Variants in TRIM9 observed in about 807,000 individuals in gnomAD.
The protein encoded by TRIM9 is E3 ubiquitin-protein ligase TRIM9.
TRIM9 carries 26 observed loss-of-function variants against 78.3 expected under a neutral mutation model. The observed-to-expected ratio is 0.33, with a 90% CI of 0.24 to 0.46. TRIM9 has a LOEUF of 0.46. Ranked by LOEUF, TRIM9 falls within the 20% of genes least tolerant of loss-of-function variation. The pLI is 1.00. For missense variants in TRIM9, 787 were observed against 1,036.4 expected, an observed-to-expected ratio of 0.76 and a Z score of 3.30; for synonymous variants, 398 against 416.5, an observed-to-expected ratio of 0.96 and a Z score of 0.54.
Position 51,019,603 on chromosome 14 carries a change from T to C in TRIM9, c.1041+3232A>G, listed in dbSNP as rs1480523197. Among the ~76,000 whole-genome samples, 4 of 152,310 alleles carry C rather than the reference T, an allele frequency of 2.6e-5. No homozygotes were observed. In the South Asian group the frequency reaches 8.3e-4, roughly 32 times the overall value. ...TTCTAGGCTATGAATTATGGTATCA[T>C]AGAAAACAAGCCCCTGGAAACTCTT... On this transcript the variant is annotated intron_variant, in intron 3 of 12. Transcript: ENST00000684578.
intron 9 of TRIM9, 118 bp from the exon 10 acceptor site, chr14:50,983,083 C>A: frequency 2.1e-6 from 2 of 951,904 alleles, no homozygotes; most frequent in Non-Finnish European, 1.6e-6. Flanking sequence ...ATTTAAAATG[C>A]CACATATACT....
intron 6 of TRIM9, among the ~76,000 whole-genome samples, chr14:50,998,488 A>G (rs1228302863): frequency 6.6e-6 from 1 of 152,248 alleles, no homozygotes; most frequent in African/African-American, 2.4e-5. Flanking sequence ...GGTAGTTATT[A>G]GCAGCTAGGG....
intron 2 of TRIM9, 42 bp downstream of exon 2, chr14:51,025,223 A>G (rs2058105852): frequency 1.3e-6 from 2 of 1,551,124 alleles, no homozygotes; most frequent in Non-Finnish European, 1.8e-6. Context: ...ACAGTTACGT[A>G]TTAACCGGCG....
At chr14:51,043,736 T>C (rs151127324) in intron 1 of TRIM9, among the ~76,000 whole-genome samples, 1 of 152,292 alleles carries the variant, frequency 6.6e-6, no homozygotes, top group Non-Finnish European at 1.5e-5. Context: ...AGCAGCAGAA[T>C]GAAACTGAGA....
intron 7 of TRIM9, among the ~76,000 whole-genome samples, chr14:50,989,630 C>T (rs747702558): frequency 6.6e-6 from 1 of 152,104 alleles, no homozygotes; most frequent in African/African-American, 2.4e-5. Flanking sequence ...GCAGGGATCC[C>T]GTGTGGTTGC....
At chr14:51,056,218 C>T (rs1295135228) in intron 1 of TRIM9, among the ~76,000 whole-genome samples, 1 of 152,086 alleles carries the variant, frequency 6.6e-6, no homozygotes, top group Non-Finnish European at 1.5e-5. Flanking sequence ...CCTCTGTAAC[C>T]AGACCAGAAA....
intron 8 of TRIM9, among the ~76,000 whole-genome samples, chr14:50,985,128 ATCT>A (rs1294366996): frequency 6.6e-6 from 1 of 152,226 alleles, no homozygotes; most frequent in Non-Finnish European, 1.5e-5. Context: ...ATAGGTCTGC[ATCT>A]TATATATTTT....
chr14:51,069,511 T>C (rs920934190), intron 1 of TRIM9, among the ~76,000 whole-genome samples: 13 of 152,302 alleles, frequency 8.5e-5, no homozygotes, highest in South Asian at 6.2e-4. Context: ...AGTGCTGAGA[T>C]TGAGAAACCC....
intron 1 of TRIM9, among the ~76,000 whole-genome samples, chr14:51,047,276 C>T (rs1287526027): frequency 1.3e-5 from 2 of 152,194 alleles, no homozygotes; most frequent in South Asian, 2.1e-4. Context: ...ATTACCTCCT[C>T]TGAAACTCTG....
chr14:50,988,825 A>C (rs2053094972), intron 7 of TRIM9, among the ~76,000 whole-genome samples: 1 of 152,124 alleles, frequency 6.6e-6, no homozygotes, highest in South Asian at 2.1e-4. Flanking sequence ...GCTGCCTGTA[A>C]GTCATCTATA....
At position 51,094,334 on chromosome 14, in the gene TRIM9, C is replaced by A; in HGVS notation, c.606G>T (p.Gly202=). The A allele has an allele frequency of 5.0e-6, 8 of 1,613,382 alleles. No individual in the cohort carries two copies. The highest frequency in any genetic ancestry group is 6.8e-6 in the Non-Finnish European group (8 of 1,179,790). Residue 202 remains glycine, a synonymous_variant, in exon 1 of 13, where the codon GGG becomes GGT. Transcript: ENST00000684578. ...GCACCAGGCGGTGCTTGGCTAGGGG[C>A]CCCCGGGGCGGGTGGCAGCGCAGGC... ...PCRLRCHPPR[G]PLAKHRLVPP...
intron 1 of TRIM9, among the ~76,000 whole-genome samples, chr14:51,041,468 T>C (rs138609643): frequency 1.1e-3 from 175 of 152,322 alleles, no homozygotes; most frequent in Admixed American, 4.5e-3. Flanking sequence ...CTCTTAGGAA[T>C]GTCAATGATG....
In TRIM9 at chr14:50,977,424, G is replaced by A. The variant is rs914879303; in HGVS notation, c.2326-71C>T. On this transcript the variant is annotated intron_variant, in intron 12 of 12. Coordinates refer to ENST00000684578, the MANE Select transcript of TRIM9 (RefSeq NM_001387360.1). ...TGTCCCTTTACACAGTGTACCGTGGGTGTGTCCCTAACTCAAAAAGTGTTC... is the reference window on the plus strand; with the variant it reads ...TGTCCCTTTACACAGTGTACCGTGGATGTGTCCCTAACTCAAAAAGTGTTC... 26 of 1,221,002 alleles carry A rather than the reference G, an allele frequency of 2.1e-5. No homozygotes were observed. The South Asian group carries it at 5.8e-4, about 27-fold the overall frequency. The allele number at this position is 1,221,002 out of a possible 1,614,324, so 75.6% of individuals were successfully genotyped here.
intron 1 of TRIM9, among the ~76,000 whole-genome samples, chr14:51,053,604 T>G (rs1212345418): frequency 6.8e-6 from 1 of 146,142 alleles, no homozygotes; most frequent in Non-Finnish European, 1.5e-5. Context: ...AATTTTTTTT[T>G]TTTTTATTAT....
At chr14:50,999,206 A>G (rs1281662074) in intron 6 of TRIM9, among the ~76,000 whole-genome samples, 1 of 152,154 alleles carries the variant, frequency 6.6e-6, no homozygotes, top group Admixed American at 6.5e-5. Context: ...TCAAGACAAA[A>G]TAAGATAATT....
intron 3 of TRIM9, among the ~76,000 whole-genome samples, chr14:51,022,223 G>A (rs996529993): frequency 5.3e-5 from 8 of 152,224 alleles, no homozygotes; most frequent in Admixed American, 3.9e-4. Flanking sequence ...ATTAGGACAT[G>A]AGGCCCCTGC....
At chr14:51,006,318 T>C (rs951451042) in intron 5 of TRIM9, among the ~76,000 whole-genome samples, 1 of 152,176 alleles carries the variant, frequency 6.6e-6, no homozygotes, top group African/African-American at 2.4e-5. Flanking sequence ...TGACATATTT[T>C]TTACTGACAA....
intron 5 of TRIM9, among the ~76,000 whole-genome samples, chr14:51,001,060 CA>C (rs1453655509): frequency 6.6e-6 from 1 of 152,080 alleles, no homozygotes; most frequent in African/African-American, 2.4e-5. Flanking sequence ...TTCCCACCTT[CA>C]TTGTGGCTGT....
intron 1 of TRIM9, among the ~76,000 whole-genome samples, chr14:51,076,396 T>A (rs972535973): frequency 6.6e-6 from 1 of 152,210 alleles, no homozygotes; most frequent in Non-Finnish European, 1.5e-5. Context: ...AAAGGCACTG[T>A]GTCTTTGGCT....
Sources: gnomAD v4.1 joint callset for allele counts (sites outside exome capture counted in the v4.1 genomes callset) on GRCh38, gnomAD v4.1.1 for gene constraint, MANE v1.5 for transcripts, NCBI Gene and HGNC (gene_info 2026-07-23, HGNC 2026-07-21) for gene names.